The following CCNY variants were observed in gnomAD, a reference collection of about 807,000 sequenced individuals.
CCNY encodes the protein cyclin Y.
In CCNY, 19 loss-of-function variants were observed where a neutral mutation model predicts 42.8. The ratio of observed to expected loss-of-function variants is 0.44; its 90% CI spans 0.31 to 0.65. The LOEUF (loss-of-function observed/expected upper bound fraction) is 0.65. CCNY is among the 30% of genes least tolerant of loss of function. The pLI is 0.07. For synonymous variants in CCNY, 165 were observed against 162.7 expected (o/e 1.01, Z -0.11); for missense variants, 370 against 437.3 (o/e 0.85, Z 1.37).
At chr10:35,528,562 C>T (rs1442891135) in intron 5 of CCNY, among the ~76,000 whole-genome samples, 7 of 152,164 alleles carry the variant, frequency 4.6e-5, no homozygotes, top group Admixed American at 3.9e-4. Flanking sequence ...ATCAGCTGGG[C>T]CTGGTGGCGC....
chr10:35,561,268 G>A (rs963114110), intron 8 of CCNY, among the ~76,000 whole-genome samples: 1 of 152,210 alleles, frequency 6.6e-6, no homozygotes, highest in Admixed American at 6.5e-5. Context: ...GGGGTGGGAG[G>A]CGTTTGGGCA....
At chr10:35,551,024 C>T (rs1841245543) in intron 7 of CCNY, among the ~76,000 whole-genome samples, 1 of 152,172 alleles carries the variant, frequency 6.6e-6, no homozygotes, top group Non-Finnish European at 1.5e-5. Context: ...AGAGTCAGGC[C>T]TGTGATCTTT....
chr10:35,404,796 A>G (rs987081705), intron 1 of CCNY, among the ~76,000 whole-genome samples: 11 of 152,182 alleles, frequency 7.2e-5, no homozygotes, highest in African/African-American at 2.7e-4. Flanking sequence ...TAATGAAGAA[A>G]TATGTCAAGA....
At chr10:35,378,975 T>C (rs187731509) in intron 1 of CCNY, among the ~76,000 whole-genome samples, 1 of 152,224 alleles carries the variant, frequency 6.6e-6, no homozygotes, top group East Asian at 1.9e-4. Context: ...AAGGGAGACA[T>C]TGGTGGAGTT....
intron 1 of CCNY, among the ~76,000 whole-genome samples, chr10:35,426,369 TGAA>T (rs1427210814): frequency 2.6e-5 from 4 of 152,090 alleles, no homozygotes; most frequent in Non-Finnish European, 4.4e-5. Context: ...GGCCTGATAG[TGAA>T]GAAGGAGACA....
chr10:35,568,986 C>T, intron 9 of CCNY, 68 bp from the exon 10 acceptor site: 1 of 1,059,258 alleles, frequency 9.4e-7, no homozygotes, highest in Non-Finnish European at 1.5e-6. Context: ...CCCTCGGCGC[C>T]CAGGACGAGT....
chr10:35,475,960 G>C (rs1308492897), intron 1 of CCNY, among the ~76,000 whole-genome samples: 2 of 151,722 alleles, frequency 1.3e-5, no homozygotes, highest in Non-Finnish European at 2.9e-5. Flanking sequence ...CAAGCAAATG[G>C]AAAACAAAAA....
chr10:35,543,284 C>T (rs1381762943), intron 7 of CCNY, among the ~76,000 whole-genome samples: 1 of 151,976 alleles, frequency 6.6e-6, no homozygotes, highest in African/African-American at 2.4e-5. Flanking sequence ...GGGTACAATG[C>T]AAAATCAGCA....
intron 1 of CCNY, among the ~76,000 whole-genome samples, chr10:35,415,383 A>G (rs1487132828): frequency 6.6e-6 from 1 of 152,056 alleles, no homozygotes; most frequent in Non-Finnish European, 1.5e-5. Flanking sequence ...CCTTGAGGGT[A>G]GAAGGGCTTT....
intron 7 of CCNY, among the ~76,000 whole-genome samples, chr10:35,540,234 T>C (rs1220530577): frequency 6.6e-6 from 1 of 152,240 alleles, no homozygotes; most frequent in East Asian, 1.9e-4. Flanking sequence ...CCTTTATCAA[T>C]TGAGGAAGTT....
At chr10:35,254,535 G>C (rs1432152187) in intron 3 of CCNY, among the ~76,000 whole-genome samples, 1 of 151,916 alleles carries the variant, frequency 6.6e-6, no homozygotes, top group Non-Finnish European at 1.5e-5. Context: ...CATCTAATTT[G>C]ATGATAAAAT....
chr10:35,332,514 A>G (rs1835957300), upstream of CCNY: 1 of 152,228 alleles, frequency 6.6e-6, no homozygotes, highest in Non-Finnish European at 1.5e-5. Flanking sequence ...TATGTTTTAA[A>G]TAGTGTGGTT....
intron 3 of CCNY, among the ~76,000 whole-genome samples, chr10:35,290,095 A>T (rs1016571946): frequency 2.0e-5 from 3 of 151,780 alleles, no homozygotes; most frequent in Non-Finnish European, 4.4e-5. Context: ...GCGTGGTGGC[A>T]TGCGTTTGTA....
chr10:35,322,328 T>C (rs1043841049), intron 3 of CCNY, among the ~76,000 whole-genome samples: 15 of 148,306 alleles, frequency 1.0e-4, no homozygotes, highest in African/African-American at 3.7e-4. Flanking sequence ...CACTCCAGCC[T>C]GGGTGACAGA....
At chr10:35,493,053 G>C (rs1402563543) in intron 2 of CCNY, among the ~76,000 whole-genome samples, 1 of 152,068 alleles carries the variant, frequency 6.6e-6, no homozygotes, top group Non-Finnish European at 1.5e-5. Context: ...AGTCAGAGGC[G>C]CTCTTTGGGT....
intron 1 of CCNY, among the ~76,000 whole-genome samples, chr10:35,399,695 G>A (rs953264531): frequency 1.3e-5 from 2 of 152,184 alleles, no homozygotes; most frequent in African/African-American, 4.8e-5. Context: ...AAACATAAAA[G>A]ATAAGGGGTT....
intron 7 of CCNY, among the ~76,000 whole-genome samples, chr10:35,539,447 G>A (rs1008623769): frequency 1.3e-5 from 2 of 152,090 alleles, no homozygotes; most frequent in Non-Finnish European, 2.9e-5. Flanking sequence ...TTTTGTCAAC[G>A]TTTTTCTATA....
chr10:35,391,627 C>T lies in CCNY; in HGVS notation c.154+54420C>T, dbSNP rs573019811. Among the ~76,000 whole-genome samples, 13 of 152,260 alleles carry T rather than the reference C, an allele frequency of 8.5e-5. No individual in the cohort carries two copies. The East Asian group carries it at 2.5e-3, about 29-fold the overall frequency. On this transcript the variant is annotated intron_variant, in intron 1 of 9. Coordinates refer to ENST00000374704, the MANE Select transcript of CCNY (RefSeq NM_145012.6). ...TCTTTGAAGAGAAACTTGGGGTTCA[C>T]CATATTTAACATTACCCTAGTTTTT...
intron 1 of CCNY, among the ~76,000 whole-genome samples, chr10:35,408,352 G>GT (rs1290971829): frequency 2.0e-5 from 3 of 149,766 alleles, no homozygotes; most frequent in African/African-American, 7.3e-5. Flanking sequence ...CAACAAGGCT[G>GT]TTTATTTCAC....
Sources: allele counts gnomAD v4.1 joint callset (sites outside exome capture counted in the v4.1 genomes callset), GRCh38; gene constraint gnomAD v4.1.1; transcripts MANE v1.5; gene names NCBI Gene and HGNC (gene_info 2026-07-23, HGNC 2026-07-21).